Variants in OLA1 observed in about 807,000 individuals in gnomAD.
The protein encoded by OLA1 is Obg like ATPase 1.
In OLA1, 14 loss-of-function variants were observed where a neutral mutation model predicts 48.4. That is an observed-to-expected ratio of 0.29 (90% CI 0.19 to 0.45). The LOEUF is 0.45. Among genes scored for constraint, OLA1 ranks in the 20% least tolerant of loss-of-function variants. The pLI, the probability that OLA1 is intolerant of heterozygous loss-of-function variation, is 1.00. For missense variants in OLA1, 325 were observed against 467.1 expected (o/e 0.70, Z 2.80); for synonymous variants, 127 against 150.4 (o/e 0.84, Z 1.14).
At chr2:174,234,621 C>A (rs1158262404) in intron 2 of OLA1, among the ~76,000 whole-genome samples, 1 of 151,940 alleles carries the variant, frequency 6.6e-6, no homozygotes, top group Non-Finnish European at 1.5e-5. Flanking sequence ...GTACCACCAC[C>A]CCTGGCTAAT....
intron 5 of OLA1, among the ~76,000 whole-genome samples, chr2:174,130,906 G>C (rs1191418017): frequency 2.6e-5 from 4 of 152,068 alleles, no homozygotes; most frequent in Non-Finnish European, 5.9e-5. Context: ...ATGCACTCGA[G>C]GTCACAAAAA....
intron 5 of OLA1, chr2:174,124,462 CG>C (rs1165422970): frequency 1.3e-5 from 2 of 152,138 alleles, no homozygotes; most frequent in Non-Finnish European, 2.9e-5. Flanking sequence ...GAAATGGAAA[CG>C]GCAAACAGCA....
intron 4 of OLA1, among the ~76,000 whole-genome samples, chr2:174,175,633 C>T (rs185937127): frequency 6.6e-6 from 1 of 152,108 alleles, no homozygotes; most frequent in Admixed American, 6.5e-5. Context: ...CAAAATGTTA[C>T]AGTCACTTTG....
At chr2:174,107,583 T>C (rs889295593) in intron 7 of OLA1, among the ~76,000 whole-genome samples, 1 of 152,094 alleles carries the variant, frequency 6.6e-6, no homozygotes, top group Admixed American at 6.6e-5. Context: ...CCCAAATTAA[T>C]AGTATAAATT....
intron 4 of OLA1, among the ~76,000 whole-genome samples, chr2:174,190,246 T>G (rs13008196): frequency 6.6e-6 from 1 of 152,168 alleles, no homozygotes; most frequent in African/African-American, 2.4e-5. Context: ...TATACCTTTA[T>G]GTCTGTTTTA....
intron 9 of OLA1, among the ~76,000 whole-genome samples, chr2:174,079,817 T>C (rs928182225): frequency 7.9e-5 from 12 of 152,078 alleles, no homozygotes; most frequent in Admixed American, 5.2e-4. Context: ...AGTCTGACAC[T>C]AGAAAGCACA....
At chr2:174,181,559 G>T (rs1687538878) in intron 4 of OLA1, among the ~76,000 whole-genome samples, 1 of 152,168 alleles carries the variant, frequency 6.6e-6, no homozygotes, top group Admixed American at 6.5e-5. Context: ...ACGTGCAAGT[G>T]GATGGGGTTG....
intron 10 of OLA1, among the ~76,000 whole-genome samples, chr2:174,077,854 G>C (rs1684781611): frequency 6.6e-6 from 1 of 151,834 alleles, no homozygotes; most frequent in African/African-American, 2.4e-5. Flanking sequence ...GTAGCATGTT[G>C]ACAAATAATC....
intron 4 of OLA1, among the ~76,000 whole-genome samples, chr2:174,200,154 T>C (rs1687960106): frequency 6.6e-6 from 1 of 152,176 alleles, no homozygotes; most frequent in Non-Finnish European, 1.5e-5. Flanking sequence ...TAGTTTTAAT[T>C]TTTAATACGG....
chr2:174,177,263 TAC>T (rs1301298133), intron 4 of OLA1, among the ~76,000 whole-genome samples: 1 of 152,176 alleles, frequency 6.6e-6, no homozygotes, highest in African/African-American at 2.4e-5. Context: ...CTTGAAATTT[TAC>T]AGTCTATTTC....
intron 4 of OLA1, among the ~76,000 whole-genome samples, chr2:174,185,799 G>A (rs898431918): frequency 6.6e-6 from 1 of 152,032 alleles, no homozygotes. Context: ...GTGGTAGCAC[G>A]TGCCTGTAGT....
At chr2:174,197,863 G>A (rs1399812626) in intron 4 of OLA1, among the ~76,000 whole-genome samples, 1 of 152,234 alleles carries the variant, frequency 6.6e-6, no homozygotes, top group Non-Finnish European at 1.5e-5. Context: ...ACACAGTATA[G>A]CCAAATATTA....
rs1409309767 is a variant in OLA1, at chr2:174,247,657, G to C, written c.-1+795C>G. ...GCCCACAACCCCCATTTTTCACATA[G>C]ATGAACACCCACCAGGTACTGGGGT... On this transcript the variant is annotated intron_variant, in intron 1 of 10. Transcript: ENST00000284719. 4 of 1,550,836 alleles carry C rather than the reference G, an allele frequency of 2.6e-6. No homozygotes were observed. The East Asian group carries it at 9.8e-5, about 38-fold the overall frequency.
chr2:174,227,173 G>C (rs929766695), intron 3 of OLA1, among the ~76,000 whole-genome samples: 5 of 152,052 alleles, frequency 3.3e-5, no homozygotes, highest in African/African-American at 1.2e-4. Context: ...GGGAGGATGA[G>C]GCAGGAGGAA....
intron 7 of OLA1, among the ~76,000 whole-genome samples, chr2:174,116,789 T>C (rs1558961482): frequency 6.6e-6 from 1 of 152,212 alleles, no homozygotes; most frequent in Non-Finnish European, 1.5e-5. Context: ...CTTTAATTCT[T>C]TACTAACTTG....
rs577217700 is a variant in OLA1, at chr2:174,158,923, C to T, written c.374-16923G>A. Among the ~76,000 whole-genome samples, 102 of 152,182 alleles carry T rather than the reference C, an allele frequency of 6.7e-4. 1 individual carries two copies. The highest frequency in any genetic ancestry group is 6.3e-3 in the Admixed American group (96 of 15,288). ...TATTCCCCTCCATTTCCATCTAATC[C>T]CCCCACCATGGGATTTTAGCACTGC... On this transcript the variant is annotated intron_variant, in intron 4 of 10. Transcript: ENST00000284719.
intron 5 of OLA1, among the ~76,000 whole-genome samples, chr2:174,126,863 A>G (rs2105370115): frequency 6.6e-6 from 1 of 152,294 alleles, no homozygotes; most frequent in East Asian, 1.9e-4. Flanking sequence ...TTTCATCTGT[A>G]TAATTGTTCA....
chr2:174,097,523 C>T lies in OLA1; in HGVS notation c.729-15459G>A, dbSNP rs558830245. ...CAGTAAGAAAGTGAGAAACTCCTGG[C>T]TGGGTGCAGTGGCTCATGCTTGTAA... On this transcript the variant is annotated intron_variant, in intron 7 of 10. Coordinates refer to ENST00000284719, the MANE Select transcript of OLA1 (RefSeq NM_013341.5). Among the ~76,000 whole-genome samples the T allele has an allele frequency of 2.0e-5, 3 of 152,026 alleles. No individual in the cohort carries two copies. The East Asian group carries it at 5.8e-4, about 29-fold the overall frequency.
intron 5 of OLA1, among the ~76,000 whole-genome samples, chr2:174,129,899 C>T (rs896364526): frequency 1.3e-5 from 2 of 152,058 alleles, no homozygotes; most frequent in African/African-American, 4.8e-5. Flanking sequence ...GTTATACTTA[C>T]CTTCAGGAAA....
Sources: gnomAD v4.1 joint callset for allele counts (sites outside exome capture counted in the v4.1 genomes callset) on GRCh38, gnomAD v4.1.1 for gene constraint, MANE v1.5 for transcripts, NCBI Gene and HGNC (gene_info 2026-07-23, HGNC 2026-07-21) for gene names.